Variants in TBK1 observed in about 807,000 individuals in gnomAD.
TBK1 encodes the protein TANK binding kinase 1.
TBK1 carries 37 observed loss-of-function variants against 99.9 expected under a neutral mutation model. That is an observed-to-expected ratio of 0.37 (90% CI 0.28 to 0.49). The LOEUF is 0.49. Among genes scored for constraint, TBK1 ranks in the 20% least tolerant of loss-of-function variants. TBK1 has a pLI of 0.98. For missense variants in TBK1, 644 were observed against 872.5 expected (o/e 0.74, Z 3.30); for synonymous variants, 258 against 279.8 (o/e 0.92, Z 0.78).
At chr12:64,466,802 T>TA (rs1164962402) in intron 4 of TBK1, 99 bp from the exon 5 acceptor site, 2 of 973,616 alleles carry the variant, frequency 2.1e-6, no homozygotes, top group Non-Finnish European at 2.8e-6. Flanking sequence ...TATGGAAAAA[T>TA]TTATATTAAG....
At chr12:64,461,333 A>G (rs2040546731) in intron 3 of TBK1, among the ~76,000 whole-genome samples, 1 of 152,164 alleles carries the variant, frequency 6.6e-6, no homozygotes, top group Admixed American at 6.5e-5. Flanking sequence ...GGAATTAAGA[A>G]TGTCATTAGG....
intron 20 of TBK1, among the ~76,000 whole-genome samples, chr12:64,499,220 T>C (rs2040961921): frequency 6.6e-6 from 1 of 151,230 alleles, no homozygotes; most frequent in South Asian, 2.1e-4. Context: ...GTTTTTTGTA[T>C]TTTTAGTAGA....
At position 64,467,022 on chromosome 12, in the gene TBK1, A is replaced by G; in HGVS notation, c.480A>G (p.Ala160=). The change falls in exon 5 of 21, where the codon GCA becomes GCG. Residue 160 remains alanine (A), a synonymous_variant. Transcript: ENST00000331710. ...TGTACAAACTCACAGATTTTGGTGC[A>G]GCTAGAGAATTAGAAGATGATGAGC... ...QSVYKLTDFG[A]ARELEDDEQF... is the part of the protein sequence containing the mutation. The G allele has an allele frequency of 1.2e-6, 2 of 1,612,078 alleles. No individual in the cohort carries two copies. The highest frequency in any genetic ancestry group is 1.7e-6 in the Non-Finnish European group (2 of 1,179,058).
In TBK1 at chr12:64,501,555, G is replaced by T; in HGVS notation, c.*174G>T. On this transcript the variant is annotated 3_prime_UTR_variant, in exon 21 of 21. Coordinates refer to ENST00000331710, the MANE Select transcript of TBK1 (RefSeq NM_013254.4). ...AAAAATATACAAATTTTTGGCTGCT[G>T]TGAAGATGTAATTTTATCTTTTAAC... 2 of 587,988 alleles carry T rather than the reference G, an allele frequency of 3.4e-6. No homozygotes were observed. The highest frequency in any genetic ancestry group is 5.2e-5 in the South Asian group (2 of 38,486). 36.4% of individuals were successfully genotyped at this position (587,988 alleles called of 1,614,324 possible).
At chr12:64,454,175 G>A (rs1565809709) in intron 1 of TBK1, among the ~76,000 whole-genome samples, 1 of 152,126 alleles carries the variant, frequency 6.6e-6, no homozygotes, top group Non-Finnish European at 1.5e-5. Flanking sequence ...CAAAACATTT[G>A]AAGGAGGTAA....
chr12:64,466,621 T>C (rs1159021190), intron 4 of TBK1, among the ~76,000 whole-genome samples: 2 of 152,086 alleles, frequency 1.3e-5, no homozygotes, highest in Non-Finnish European at 2.9e-5. Flanking sequence ...AGAAATCATA[T>C]GCTTAAGACT....
At chr12:64,461,506 A>G (rs976397793) in intron 3 of TBK1, among the ~76,000 whole-genome samples, 1 of 152,204 alleles carries the variant, frequency 6.6e-6, no homozygotes, top group Non-Finnish European at 1.5e-5. Context: ...AATTTTATGC[A>G]TGAAGATGTT....
At chr12:64,476,992 A>G (rs1026439831) in intron 6 of TBK1, among the ~76,000 whole-genome samples, 6 of 152,026 alleles carry the variant, frequency 3.9e-5, no homozygotes, top group African/African-American at 1.2e-4. Flanking sequence ...GTATGGCTTT[A>G]TTTTAGGAGT....
chr12:64,488,721 C>T lies in TBK1; in HGVS notation c.1442+133C>T, dbSNP rs1298741219. ...TCTATTAAAGATCAGCGGCCTGGCA[C>T]GGTGGCTCATGCCTGTAATCCCAGC... On this transcript the variant is annotated intron_variant, in intron 12 of 20. Transcript: ENST00000331710. The T allele has an allele frequency of 8.3e-5, 56 of 674,782 alleles. 1 individual carries two copies. Among genetic ancestry groups the T allele is most frequent in the South Asian group, 8.1e-4 (41 of 50,670 alleles). The allele number at this position is 674,782 out of a possible 1,614,324, so 41.8% of individuals were successfully genotyped here.
intron 8 of TBK1, chr12:64,484,016 C>T (rs2040793961): frequency 1.8e-5 from 1 of 54,216 alleles, no homozygotes; most frequent in Non-Finnish European, 5.9e-5. Context: ...CACATACACA[C>T]ACACACACAC....
intron 7 of TBK1, 24 bp from the exon 8 acceptor site, chr12:64,481,818 A>G (rs946010358): frequency 6.7e-6 from 10 of 1,503,378 alleles, no homozygotes; most frequent in Non-Finnish European, 7.1e-6. Context: ...TCACTCTTCA[A>G]GTAACTTTTC....
chr12:64,463,950 G>A (rs2040576611), intron 3 of TBK1, among the ~76,000 whole-genome samples: 1 of 149,978 alleles, frequency 6.7e-6, no homozygotes, highest in South Asian at 2.1e-4. Flanking sequence ...TGCAACTTCC[G>A]CCTCCCAGGT....
At chr12:64,452,900 T>A (rs1350851355) in intron 1 of TBK1, 1 of 152,212 alleles carries the variant, frequency 6.6e-6, no homozygotes, top group African/African-American at 2.4e-5. Flanking sequence ...CAAAGACTGG[T>A]CTTTTCCACT....
intron 2 of TBK1, among the ~76,000 whole-genome samples, chr12:64,459,921 T>G (rs1320956837): frequency 6.6e-6 from 1 of 152,194 alleles, no homozygotes; most frequent in Non-Finnish European, 1.5e-5. Context: ...TTGCCCCTAC[T>G]GTATCCTCAT....
In TBK1 at chr12:64,497,135, A is replaced by G. The variant is rs184664042; in HGVS notation, c.1863-28A>G. 34 of 1,582,024 alleles carry G rather than the reference A, an allele frequency of 2.1e-5. No homozygotes were observed. In the East Asian group the frequency reaches 5.9e-4, roughly 27 times the overall value. ...AAGTAAGAATGCTTCACTAGACTGC[A>G]TATCAATTGATTCTTTTTGGTTTTC... On this transcript the variant is annotated intron_variant, in intron 17 of 20. Coordinates refer to ENST00000331710, the MANE Select transcript of TBK1 (RefSeq NM_013254.4).
chr12:64,481,552 A>C (rs1220871539), intron 7 of TBK1, among the ~76,000 whole-genome samples: 1 of 152,150 alleles, frequency 6.6e-6, no homozygotes, highest in African/African-American at 2.4e-5. Flanking sequence ...CCAGAGTTTG[A>C]GACTGCAATG....
chr12:64,463,814 A>C (rs1409095152), intron 3 of TBK1, among the ~76,000 whole-genome samples: 9 of 152,114 alleles, frequency 5.9e-5, no homozygotes, highest in African/African-American at 2.2e-4. Context: ...GTCTTCAAAA[A>C]CAAATCCAAC....
chr12:64,480,117 T>G lies in TBK1; in HGVS notation c.807T>G (p.Leu269=), dbSNP rs1592366320. The G allele has an allele frequency of 3.1e-6, 5 of 1,611,628 alleles. No homozygotes were observed. Among genetic ancestry groups the G allele is most frequent in the Non-Finnish European group, 4.2e-6 (5 of 1,178,522 alleles). ...WSGDMPVSCS[L]SRGLQVLLTP... ...GAGACATGCCTGTTTCTTGCAGTCTTTCTCGGTAAGTATGGTGTACCTAAT... is the reference window on the plus strand; with the variant it reads ...GAGACATGCCTGTTTCTTGCAGTCTGTCTCGGTAAGTATGGTGTACCTAAT... Residue 269 remains leucine, a synonymous_variant, in exon 7 of 21, where the codon CTT becomes CTG. Transcript: ENST00000331710.
At chr12:64,452,890 C>G (rs551688533) in intron 1 of TBK1, 1 of 152,270 alleles carries the variant, frequency 6.6e-6, no homozygotes, top group African/African-American at 2.4e-5. Context: ...AATGTATAAC[C>G]AAAGACTGGT....
Sources: gnomAD v4.1 joint callset for allele counts (sites outside exome capture counted in the v4.1 genomes callset) on GRCh38, gnomAD v4.1.1 for gene constraint, MANE v1.5 for transcripts, NCBI Gene and HGNC (gene_info 2026-07-23, HGNC 2026-07-21) for gene names.